KDM6A: variants seen among roughly 807,000 people sequenced by gnomAD.
KDM6A encodes lysine-specific demethylase 6A.
In KDM6A, 11 loss-of-function variants were observed where a neutral mutation model predicts 117.6. The observed-to-expected ratio is 0.09, with a 90% confidence interval of 0.06 to 0.15. KDM6A has a LOEUF of 0.15. KDM6A is among the 10% of genes least tolerant of loss of function. KDM6A has a pLI of 1.00. For synonymous variants in KDM6A, 384 were observed against 396.1 expected (o/e 0.97, Z 0.36); for missense variants, 799 against 1,077.3 (o/e 0.74, Z 3.62).
At position 45,112,274 on chromosome X, in the gene KDM6A, A is replaced by C. The variant is rs186722498; in HGVS notation, c.*863A>C. On this transcript the variant is annotated 3_prime_UTR_variant, in exon 30 of 30. Coordinates refer to ENST00000611820, the MANE Select transcript of KDM6A (RefSeq NM_001291415.2). ...AAGAGTTTTCTATTGTTTGAGTTTTAAAAAAGACTTTATGTACAGTGCCCA... is the reference window on the plus strand; with the variant it reads ...AAGAGTTTTCTATTGTTTGAGTTTTCAAAAAGACTTTATGTACAGTGCCCA... 2.2e-4 allele frequency: 31 copies of C among 141,238 alleles called. No homozygotes were observed. Among genetic ancestry groups the C allele is most frequent in the Non-Finnish European group, 1.3e-4 (9 of 71,561 alleles). 11.6% of individuals were successfully genotyped at this position (141,238 alleles called of 1,213,427 possible).
intron 2 of KDM6A, among the ~76,000 whole-genome samples, chrX:44,884,303 G>A (rs1047922041): frequency 1.8e-5 from 2 of 109,984 alleles, no homozygotes; most frequent in Admixed American, 9.9e-5. Context: ...CTAATCAGGT[G>A]AAGTGACATG....
chrX:44,873,358 TCCGCAGCCCCTGCCG>T lies in KDM6A; in HGVS notation c.-189_-175del. 2 of 520,338 alleles carry T rather than the reference TCCGCAGCCCCTGCCG, an allele frequency of 3.8e-6. No individual in the cohort carries two copies. Among genetic ancestry groups the T allele is most frequent in the Non-Finnish European group, 2.9e-6 (1 of 342,211 alleles). 42.9% of individuals were successfully genotyped at this position (520,338 alleles called of 1,213,427 possible). ...AAGCCGCCGCTGCCGACCCGGGGGC[TCCGCAGCCCCTGCCG>T]CCGCCGCCGCCGCCTTCACCGCCGC... On this transcript the variant is annotated 5_prime_UTR_variant, in exon 1 of 30. Transcript: ENST00000611820.
chrX:45,072,140 A>G (rs1373144330), intron 18 of KDM6A, among the ~76,000 whole-genome samples: 1 of 111,926 alleles, frequency 8.9e-6, no homozygotes, highest in Admixed American at 9.5e-5. Context: ...TTCCTGTCAA[A>G]TTTTAACTAT....
chrX:44,893,768 A>AT (rs775433126), intron 2 of KDM6A, among the ~76,000 whole-genome samples: 21 of 110,698 alleles, frequency 1.9e-4, no homozygotes, highest in Non-Finnish European at 2.8e-4. Flanking sequence ...AAAGTTGTAG[A>AT]TTTTTTTGTA....
intron 4 of KDM6A, among the ~76,000 whole-genome samples, chrX:44,980,077 ACCTT>A: frequency 9.5e-6 from 1 of 104,948 alleles, no homozygotes; most frequent in Non-Finnish European, 1.9e-5. Context: ...GCTCACTGCA[ACCTT>A]CGCCTCCCGG....
intron 2 of KDM6A, among the ~76,000 whole-genome samples, chrX:44,891,293 T>C (rs2033339319): frequency 9.0e-6 from 1 of 111,668 alleles, no homozygotes; most frequent in South Asian, 3.6e-4. Flanking sequence ...TCATAGTTTT[T>C]TATTCATGTT....
At chrX:44,927,627 C>G (rs934847660) in intron 2 of KDM6A, among the ~76,000 whole-genome samples, 4 of 111,013 alleles carry the variant, frequency 3.6e-5, no homozygotes, top group Non-Finnish European at 3.8e-5. Context: ...GAAGTCAGAA[C>G]TGATTCATAA....
At chrX:44,987,156 C>T (rs2040277486) in intron 4 of KDM6A, among the ~76,000 whole-genome samples, 1 of 111,712 alleles carries the variant, frequency 9.0e-6, no homozygotes, top group Non-Finnish European at 1.9e-5. Flanking sequence ...ATCGCTTTAC[C>T]ATTATGTAAT....
At chrX:44,998,324 A>C (rs1305806089) in intron 4 of KDM6A, among the ~76,000 whole-genome samples, 1 of 111,664 alleles carries the variant, frequency 9.0e-6, no homozygotes, top group Non-Finnish European at 1.9e-5. Flanking sequence ...TTATTGGTGG[A>C]GAAGAGGTGA....
intron 4 of KDM6A, among the ~76,000 whole-genome samples, chrX:44,989,024 G>T: frequency 9.2e-6 from 1 of 108,491 alleles, no homozygotes; most frequent in Non-Finnish European, 1.9e-5. Flanking sequence ...ACAGAGGCAG[G>T]CAGGCCTCCT....
chrX:44,909,991 G>A (rs772521173), intron 2 of KDM6A, among the ~76,000 whole-genome samples: 9 of 111,160 alleles, frequency 8.1e-5, no homozygotes, highest in Admixed American at 1.9e-4. Flanking sequence ...TGATTATTTC[G>A]TTAAATTACA....
intron 12 of KDM6A, 65 bp downstream of exon 12, chrX:45,059,531 G>A: frequency 1.2e-6 from 1 of 820,106 alleles, no homozygotes; most frequent in African/African-American, 2.0e-5. Flanking sequence ...GGCAGAAGGA[G>A]GGTGGCTGGA....
intron 4 of KDM6A, among the ~76,000 whole-genome samples, chrX:44,981,376 T>C (rs1237346726): frequency 8.9e-6 from 1 of 111,801 alleles, no homozygotes; most frequent in Non-Finnish European, 1.9e-5. Context: ...TGTTTTATTA[T>C]AATGGGTACA....
intron 4 of KDM6A, among the ~76,000 whole-genome samples, chrX:44,996,136 G>C (rs903279965): frequency 9.1e-6 from 1 of 110,216 alleles, no homozygotes; most frequent in Non-Finnish European, 1.9e-5. Context: ...GAATCCAGTG[G>C]TACAATTGTA....
At chrX:44,891,808 C>G (rs2033389274) in intron 2 of KDM6A, among the ~76,000 whole-genome samples, 1 of 111,220 alleles carries the variant, frequency 9.0e-6, no homozygotes, top group African/African-American at 3.3e-5. Flanking sequence ...CAACTTAGAA[C>G]TTTTTTAAGG....
chrX:44,902,827 C>G (rs1354012976), intron 2 of KDM6A, among the ~76,000 whole-genome samples: 2 of 111,993 alleles, frequency 1.8e-5, no homozygotes, highest in African/African-American at 6.5e-5. Flanking sequence ...TCAAGGCACT[C>G]CCAGATTTAG....
In KDM6A at chrX:45,090,704, C is replaced by T. The variant is rs2148202462; in HGVS notation, c.3893-19C>T. On this transcript the variant is annotated intron_variant, in intron 26 of 29. Transcript: ENST00000611820. The stretch of plus-strand genomic sequence containing the variant: ...TTTGGTACTTTGGGTTGCTTTATAA[C>T]TGTTTTTTTTTTTCCTAGCCTGCCA... The T allele has an allele frequency of 3.3e-6, 4 of 1,203,232 alleles. No individual in the cohort carries two copies. The South Asian group carries it at 7.1e-5, about 21-fold the overall frequency.
chrX:44,982,907 C>G (rs1288067093), intron 4 of KDM6A, among the ~76,000 whole-genome samples: 2 of 111,386 alleles, frequency 1.8e-5, no homozygotes, highest in African/African-American at 6.5e-5. Flanking sequence ...TTTTTGAATT[C>G]AGAAATATAT....
rs1198299012 is a variant in KDM6A at position 44,984,376 on chromosome X, A to G, written c.384+9661A>G. On this transcript the variant is annotated intron_variant, in intron 4 of 29. Coordinates refer to ENST00000611820, the MANE Select transcript of KDM6A (RefSeq NM_001291415.2). ...TTTTGTGGGTTGCCTGTTCACTCTG[A>G]TGGTAGTTTCTTTTGCTGTGCAGAA... Among the ~76,000 whole-genome samples the G allele has an allele frequency of 2.7e-5, 3 of 111,101 alleles. No individual in the cohort carries two copies. The South Asian group carries it at 1.2e-3, about 43-fold the overall frequency.
Sources: allele counts gnomAD v4.1 joint callset (sites outside exome capture counted in the v4.1 genomes callset), GRCh38; gene constraint gnomAD v4.1.1; transcripts MANE v1.5; gene names NCBI Gene and HGNC (gene_info 2026-07-23, HGNC 2026-07-21).